HTR1F: variants seen among roughly 807,000 people sequenced by gnomAD.
HTR1F encodes 5-hydroxytryptamine (serotonin) receptor 1F, G protein-coupled.
A neutral mutation model predicts 24.0 loss-of-function variants in HTR1F; 17 were observed. The observed-to-expected ratio is 0.71, with a 90% CI of 0.48 to 1.06. The LOEUF (loss-of-function observed/expected upper bound fraction) is 1.06, where lower values mean the gene tolerates loss of function less well. HTR1F is among the 50% of genes least tolerant of loss of function. The pLI is 0.00. For missense variants in HTR1F, 391 were observed against 427.8 expected (o/e 0.91, Z 0.76); for synonymous variants, 186 against 156.8 (o/e 1.19, Z -1.39).
chr3:87,943,918 G>T (rs1454541835), intron 2 of HTR1F, among the ~76,000 whole-genome samples: 1 of 152,070 alleles, frequency 6.6e-6, no homozygotes, highest in African/African-American at 2.4e-5. Flanking sequence ...TGCCTTGGGG[G>T]GAACATTTCC....
chr3:87,957,476 T>A (rs9850490), intron 2 of HTR1F, among the ~76,000 whole-genome samples: 1 of 151,000 alleles, frequency 6.6e-6, no homozygotes, highest in East Asian at 1.9e-4. Flanking sequence ...CAGAAAATCA[T>A]ATGAAAATGT....
chr3:87,853,476 G>A (rs1705132803), intron 2 of HTR1F, among the ~76,000 whole-genome samples: 1 of 152,018 alleles, frequency 6.6e-6, no homozygotes, highest in Non-Finnish European at 1.5e-5. Flanking sequence ...ATCATTGATT[G>A]GCATTTAGGT....
chr3:87,801,459 T>C (rs1703988318), intron 1 of HTR1F, among the ~76,000 whole-genome samples: 1 of 152,222 alleles, frequency 6.6e-6, no homozygotes, highest in African/African-American at 2.4e-5. Context: ...CCTGACGACA[T>C]GTGCCCAAGG....
intron 2 of HTR1F, among the ~76,000 whole-genome samples, chr3:87,850,176 C>T (rs1288365005): frequency 6.6e-6 from 1 of 151,880 alleles, no homozygotes; most frequent in Non-Finnish European, 1.5e-5. Flanking sequence ...TATTGAGGCA[C>T]TATTCACAAT....
intron 2 of HTR1F, among the ~76,000 whole-genome samples, chr3:87,908,627 C>T (rs1205634683): frequency 6.6e-6 from 1 of 151,840 alleles, no homozygotes; most frequent in Non-Finnish European, 1.5e-5. Context: ...GAGTCATGTC[C>T]ATTTCCTCTT....
At chr3:87,980,135 T>G (rs1042410434) in intron 2 of HTR1F, among the ~76,000 whole-genome samples, 1 of 152,192 alleles carries the variant, frequency 6.6e-6, no homozygotes, top group Non-Finnish European at 1.5e-5. Context: ...ATTCTTGTCC[T>G]GCTTCAAGGA....
intron 2 of HTR1F, among the ~76,000 whole-genome samples, chr3:87,977,548 G>A (rs1211607281): frequency 6.6e-6 from 1 of 150,586 alleles, no homozygotes; most frequent in African/African-American, 2.4e-5. Flanking sequence ...ACAGGCACCC[G>A]CCAGCACGCC....
At chr3:87,911,822 T>G (rs1487527495) in intron 2 of HTR1F, among the ~76,000 whole-genome samples, 2 of 152,102 alleles carry the variant, frequency 1.3e-5, no homozygotes, top group African/African-American at 2.4e-5. Context: ...AAACTATGAT[T>G]GTCTCTCAGT....
chr3:87,831,561 A>C (rs1408564077), intron 2 of HTR1F, among the ~76,000 whole-genome samples: 1 of 151,758 alleles, frequency 6.6e-6, no homozygotes, highest in Non-Finnish European at 1.5e-5. Context: ...ACGGGGTTTC[A>C]CCTTGTTAGC....
At chr3:87,831,900 T>G (rs959924063) in intron 2 of HTR1F, among the ~76,000 whole-genome samples, 14 of 152,234 alleles carry the variant, frequency 9.2e-5, no homozygotes, top group African/African-American at 3.4e-4. Context: ...TTTTGGAAAC[T>G]TAATGGATTA....
At chr3:87,916,657 T>C (rs1170717813) in intron 2 of HTR1F, among the ~76,000 whole-genome samples, 1 of 152,122 alleles carries the variant, frequency 6.6e-6, no homozygotes, top group Admixed American at 6.6e-5. Context: ...TAAAAGGTCT[T>C]GTCCAACAGG....
intron 2 of HTR1F, among the ~76,000 whole-genome samples, chr3:87,988,615 G>A (rs1258895764): frequency 2.6e-5 from 4 of 152,070 alleles, no homozygotes; most frequent in Non-Finnish European, 5.9e-5. Context: ...ATGGTGTATC[G>A]CTCTGTTGCC....
At chr3:87,849,987 A>G (rs1178311771) in intron 2 of HTR1F, among the ~76,000 whole-genome samples, 11 of 151,976 alleles carry the variant, frequency 7.2e-5, no homozygotes, top group South Asian at 2.1e-4. Context: ...TGGAGAAATA[A>G]GAACACTTTT....
intron 2 of HTR1F, among the ~76,000 whole-genome samples, chr3:87,894,885 A>G (rs1183579795): frequency 6.6e-6 from 1 of 152,102 alleles, no homozygotes; most frequent in Admixed American, 6.6e-5. Flanking sequence ...CATTTTAAAT[A>G]CCTCAAGGAG....
In HTR1F at chr3:87,992,580, A is replaced by G. The variant is rs1705861504; in HGVS notation, c.*730A>G. 1.2e-5 allele frequency: 2 copies of G among 167,054 alleles called. No individual in the cohort carries two copies. The highest frequency in any genetic ancestry group is 6.5e-5 in the Admixed American group (1 of 15,278). The allele number at this position is 167,054 out of a possible 1,614,324, so 10.3% of individuals were successfully genotyped here. A position where few individuals can be genotyped will look rare whatever the true frequency, so the allele number is the denominator to read the frequency against. On this transcript the variant is annotated 3_prime_UTR_variant, in exon 3 of 3. Coordinates refer to ENST00000319595, the MANE Select transcript of HTR1F (RefSeq NM_001322209.2). ...GCATTTGAAATCAAAGCCTTACCTTAGTAACAATAACTCAACAAAGGGGCA... is the reference window on the plus strand; with the variant it reads ...GCATTTGAAATCAAAGCCTTACCTTGGTAACAATAACTCAACAAAGGGGCA...
At chr3:87,851,138 C>T (rs1427613636) in intron 2 of HTR1F, among the ~76,000 whole-genome samples, 1 of 151,658 alleles carries the variant, frequency 6.6e-6, no homozygotes, top group East Asian at 1.9e-4. Context: ...CATTTTTCTT[C>T]TGGGTGCTAC....
At chr3:87,941,383 T>C (rs781474441) in intron 2 of HTR1F, among the ~76,000 whole-genome samples, 6 of 152,182 alleles carry the variant, frequency 3.9e-5, no homozygotes, top group Non-Finnish European at 8.8e-5. Flanking sequence ...CTGGTGCCTT[T>C]GGGTAATTTT....
intron 2 of HTR1F, among the ~76,000 whole-genome samples, chr3:87,965,836 C>T (rs1705152112): frequency 6.6e-6 from 1 of 152,218 alleles, no homozygotes; most frequent in South Asian, 2.1e-4. Flanking sequence ...AGCTTATTGA[C>T]TAAGGCTGTT....
intron 2 of HTR1F, among the ~76,000 whole-genome samples, chr3:87,852,586 A>T (rs1224295993): frequency 6.6e-6 from 1 of 151,530 alleles, no homozygotes; most frequent in Non-Finnish European, 1.5e-5. Flanking sequence ...TAGATTTTTT[A>T]AATTTATTAT....
Sources: gnomAD v4.1 joint callset for allele counts (sites outside exome capture counted in the v4.1 genomes callset) on GRCh38, gnomAD v4.1.1 for gene constraint, MANE v1.5 for transcripts, NCBI Gene and HGNC (gene_info 2026-07-23, HGNC 2026-07-21) for gene names.